GNAQ: variants seen among roughly 807,000 people sequenced by gnomAD.
The protein encoded by GNAQ is guanine nucleotide-binding protein G(q) subunit alpha.
In GNAQ, 8 loss-of-function variants were observed where a neutral mutation model predicts 43.9. The ratio of observed to expected loss-of-function variants is 0.18; its 90% CI spans 0.11 to 0.33. GNAQ has a LOEUF of 0.33. Among genes scored for constraint, GNAQ ranks in the 10% least tolerant of loss-of-function variants. GNAQ has a pLI of 1.00. For missense variants in GNAQ, 158 were observed against 450.8 expected (o/e 0.35, Z 5.88); for synonymous variants, 155 against 170.7 (o/e 0.91, Z 0.71).
At chr9:77,789,996 A>C (rs1488019923) in intron 5 of GNAQ, among the ~76,000 whole-genome samples, 4 of 152,178 alleles carry the variant, frequency 2.6e-5, no homozygotes, top group Non-Finnish European at 5.9e-5. Flanking sequence ...TGAGAGAAGG[A>C]GTTTAAAAAA....
At chr9:77,898,646 T>C (rs1828543028) in intron 2 of GNAQ, among the ~76,000 whole-genome samples, 1 of 152,006 alleles carries the variant, frequency 6.6e-6, no homozygotes, top group Non-Finnish European at 1.5e-5. Flanking sequence ...GATGGATGGA[T>C]GGACAGATGG....
chr9:77,996,467 C>T (rs1040242693), intron 1 of GNAQ, among the ~76,000 whole-genome samples: 1 of 151,946 alleles, frequency 6.6e-6, no homozygotes, highest in African/African-American at 2.4e-5. Context: ...ATCACGAGGT[C>T]AGGAATTCGA....
chr9:77,915,937 TC>T (rs1828895439), intron 2 of GNAQ, among the ~76,000 whole-genome samples: 1 of 152,196 alleles, frequency 6.6e-6, no homozygotes, highest in Admixed American at 6.5e-5. Context: ...TACCCAGATT[TC>T]CCTCAGGGGC....
chr9:77,770,219 G>GT (rs1325865594), intron 5 of GNAQ, among the ~76,000 whole-genome samples: 1 of 152,136 alleles, frequency 6.6e-6, no homozygotes, highest in African/African-American at 2.4e-5. Context: ...CAATTATAGG[G>GT]TTTTTTCTCT....
intron 2 of GNAQ, among the ~76,000 whole-genome samples, chr9:77,881,577 C>CTA (rs1192406371): frequency 6.6e-6 from 1 of 152,080 alleles, no homozygotes; most frequent in Admixed American, 6.5e-5. Context: ...CAGGGGCTTG[C>CTA]TATAGTATAT....
At chr9:77,723,969 T>C (rs1044941229) in intron 6 of GNAQ, among the ~76,000 whole-genome samples, 1 of 152,140 alleles carries the variant, frequency 6.6e-6, no homozygotes, top group Non-Finnish European at 1.5e-5. Flanking sequence ...TTGTACACTT[T>C]AAATAAGTGA....
At chr9:77,972,755 C>A (rs1041047431) in intron 1 of GNAQ, among the ~76,000 whole-genome samples, 9 of 151,996 alleles carry the variant, frequency 5.9e-5, no homozygotes, top group African/African-American at 2.2e-4. Context: ...GAGTTCGAGA[C>A]CAGCCTGGCC....
At chr9:77,921,161 T>A (rs1257542796) in intron 2 of GNAQ, among the ~76,000 whole-genome samples, 2 of 152,218 alleles carry the variant, frequency 1.3e-5, no homozygotes, top group East Asian at 3.8e-4. Flanking sequence ...TCAGCATATC[T>A]AAAATCCCTG....
At chr9:77,987,521 T>C (rs1245875357) in intron 1 of GNAQ, among the ~76,000 whole-genome samples, 1 of 152,200 alleles carries the variant, frequency 6.6e-6, no homozygotes, top group East Asian at 1.9e-4. Context: ...AGTAACACTA[T>C]GTCCTTGTGA....
chr9:78,016,763 T>C (rs182514624), intron 1 of GNAQ, among the ~76,000 whole-genome samples: 1 of 152,220 alleles, frequency 6.6e-6, no homozygotes, highest in Non-Finnish European at 1.5e-5. Flanking sequence ...TTCAGGCATC[T>C]GTTAATTATT....
At chr9:77,818,365 G>C (rs1171695017) in intron 2 of GNAQ, among the ~76,000 whole-genome samples, 1 of 150,580 alleles carries the variant, frequency 6.6e-6, no homozygotes, top group Admixed American at 6.6e-5. Context: ...AAGTATGACA[G>C]CATTTTACAA....
At chr9:78,017,310 G>A (rs930784608) in intron 1 of GNAQ, among the ~76,000 whole-genome samples, 7 of 152,112 alleles carry the variant, frequency 4.6e-5, no homozygotes, top group Non-Finnish European at 1.5e-5. Context: ...TGGCTTTCGT[G>A]AGCAGGTACA....
chr9:77,890,001 A>G (rs1317100484), intron 2 of GNAQ, among the ~76,000 whole-genome samples: 1 of 152,256 alleles, frequency 6.6e-6, no homozygotes, highest in Non-Finnish European at 1.5e-5. Flanking sequence ...ACTACAAGTT[A>G]GTTACTCCTT....
At chr9:78,005,606 G>C (rs1311672426) in intron 1 of GNAQ, among the ~76,000 whole-genome samples, 2 of 152,282 alleles carry the variant, frequency 1.3e-5, no homozygotes, top group Non-Finnish European at 2.9e-5. Flanking sequence ...GTGTGCATCT[G>C]GATAGTGATC....
At chr9:77,777,069 A>G (rs1453087025) in intron 5 of GNAQ, among the ~76,000 whole-genome samples, 2 of 152,160 alleles carry the variant, frequency 1.3e-5, no homozygotes, top group African/African-American at 4.8e-5. Context: ...AGAATTCAGA[A>G]ATAAAACTTT....
chr9:77,889,447 A>AAAAAAAAAAAAAAAAAAAAT, intron 2 of GNAQ, among the ~76,000 whole-genome samples: 1 of 135,172 alleles, frequency 7.4e-6, no homozygotes, highest in Non-Finnish European at 1.6e-5. Context: ...AAAAAAAAAA[A>AAAAAAAAAAAAAAAAAAAAT]ATCCTTAATC....
intron 2 of GNAQ, among the ~76,000 whole-genome samples, chr9:77,860,893 C>A (rs1827839564): frequency 6.6e-6 from 1 of 152,136 alleles, no homozygotes; most frequent in East Asian, 1.9e-4. Context: ...AGAATAATGG[C>A]CCCTCAAAGA....
At chr9:77,893,951 G>A (rs1251784395) in intron 2 of GNAQ, among the ~76,000 whole-genome samples, 2 of 152,022 alleles carry the variant, frequency 1.3e-5, no homozygotes, top group Non-Finnish European at 2.9e-5. Flanking sequence ...CGGACACCAT[G>A]CTAAACTCTC....
chr9:77,977,268 C>G (rs1327985464), intron 1 of GNAQ, among the ~76,000 whole-genome samples: 1 of 152,110 alleles, frequency 6.6e-6, no homozygotes, highest in Non-Finnish European at 1.5e-5. Flanking sequence ...CCACCCTAAC[C>G]CCATCTCAGT....
Sources: allele counts gnomAD v4.1 joint callset (sites outside exome capture counted in the v4.1 genomes callset), GRCh38; gene constraint gnomAD v4.1.1; transcripts MANE v1.5; gene names NCBI Gene and HGNC (gene_info 2026-07-23, HGNC 2026-07-21).